Variants in SUGP1 observed in about 807,000 individuals in gnomAD.
SUGP1 encodes SURP and G-patch domain-containing protein 1.
SUGP1 carries 34 observed loss-of-function variants against 76.5 expected under a neutral mutation model. That is an observed-to-expected ratio of 0.44 (90% CI 0.34 to 0.59). The LOEUF (loss-of-function observed/expected upper bound fraction) is 0.59, where lower values mean the gene tolerates loss of function less well. SUGP1 is among the 20% of genes least tolerant of loss of function. SUGP1 has a pLI of 0.01. For synonymous variants in SUGP1, 326 were observed against 326.2 expected (o/e 1.00, Z 0.01); for missense variants, 752 against 851.7 (o/e 0.88, Z 1.46).
Position 19,303,735 on chromosome 19 carries a change from G to C in SUGP1, c.651C>G (p.Asn217Lys), listed in dbSNP as rs202057659. The change falls in exon 5 of 14, where the codon AAC (asparagine) becomes AAG (lysine). Residue 217 changes from asparagine (N) to lysine (K), a missense_variant. By Grantham distance (94) the Asn-to-Lys change is moderately conservative. Coordinates refer to ENST00000247001, the MANE Select transcript of SUGP1 (RefSeq NM_172231.4). The part of the protein sequence containing the change: ...EKVAMEDYKD[N>K]PAFAFLHDKN... ...CCGGAGATACTCACGCAAATGCTGG[G>C]TTATCCTTGTAGTCCTCCATAGCTA... 1 of 1,614,208 alleles carries C rather than the reference G, an allele frequency of 6.2e-7. No homozygotes were observed. Among genetic ancestry groups the C allele is most frequent in the Non-Finnish European group, 8.5e-7 (1 of 1,180,046 alleles).
intron 2 of SUGP1, among the ~76,000 whole-genome samples, chr19:19,311,928 T>C (rs948697405): frequency 2.6e-5 from 4 of 151,724 alleles, no homozygotes; most frequent in African/African-American, 9.7e-5. Context: ...CAGTGACATA[T>C]GATCATGCCA....
At chr19:19,278,901 C>T in intron 10 of SUGP1, 105 bp from the exon 11 acceptor site, 2 of 1,247,926 alleles carry the variant, frequency 1.6e-6, no homozygotes, top group Non-Finnish European at 2.3e-6. Context: ...GAGCCTGGGG[C>T]CCCCAGGGAA....
At chr19:19,277,251 C>CGGG (rs3214183) in intron 12 of SUGP1, among the ~76,000 whole-genome samples, 175 bp from the exon 13 acceptor site, 1 of 96,892 alleles carries the variant, frequency 1.0e-5, no homozygotes, top group Non-Finnish European at 2.4e-5. Flanking sequence ...CCGGGGCGGG[C>CGGG]GGGGGGGGGG....
intron 8 of SUGP1, among the ~76,000 whole-genome samples, chr19:19,296,102 AG>A (rs2061223326): frequency 1.3e-5 from 2 of 150,966 alleles, no homozygotes; most frequent in South Asian, 4.2e-4. Context: ...GGATCACTTG[AG>A]GACAGAAGTT....
At chr19:19,303,228 G>T in intron 6 of SUGP1, 120 bp downstream of exon 6, 1 of 790,464 alleles carries the variant, frequency 1.3e-6, no homozygotes, top group East Asian at 2.5e-5. Context: ...GGAGAATACA[G>T]GCCTCAACCA....
At chr19:19,303,618 C>T in intron 5 of SUGP1, 106 bp downstream of exon 5, 1 of 1,478,202 alleles carries the variant, frequency 6.8e-7, no homozygotes, top group Non-Finnish European at 9.4e-7. Flanking sequence ...TCAGAAAACG[C>T]TTGGAACAGC....
chr19:19,314,864 G>T (rs182459318), intron 2 of SUGP1, among the ~76,000 whole-genome samples: 5 of 152,078 alleles, frequency 3.3e-5, no homozygotes, highest in Non-Finnish European at 7.4e-5. Context: ...GAGAAACCCC[G>T]CCTCTACTAA....
intron 4 of SUGP1, 164 bp from the exon 5 acceptor site, chr19:19,304,011 G>A (rs769468021): frequency 1.9e-6 from 3 of 1,590,296 alleles, no homozygotes; most frequent in Non-Finnish European, 2.6e-6. Flanking sequence ...CATGACGAGG[G>A]GGGAGTCGGT....
rs140469005 is a variant in SUGP1, at chr19:19,305,128, C to T, written c.538+721G>A. On this transcript the variant is annotated intron_variant, in intron 4 of 13. Transcript: ENST00000247001. Reference sequence around the variant, plus strand: ...CCGGGGGCCAAGCTGGCCTCTGATCCGCTCGGACACACAGCCAGAAGCAAG... The same window carrying T: ...CCGGGGGCCAAGCTGGCCTCTGATCTGCTCGGACACACAGCCAGAAGCAAG... 2.7e-3 allele frequency among the ~76,000 whole-genome samples: 414 copies of T among 152,294 alleles called. 3 individuals are homozygous for T. The highest frequency in any genetic ancestry group is 9.3e-3 in the African/African-American group (388 of 41,560).
chr19:19,297,922 C>G (rs1568627386), intron 7 of SUGP1, among the ~76,000 whole-genome samples: 1 of 152,224 alleles, frequency 6.6e-6, no homozygotes, highest in African/African-American at 2.4e-5. Context: ...GCAGGTGGCG[C>G]TGGGTTCAGA....
intron 12 of SUGP1, among the ~76,000 whole-genome samples, 196 bp from the exon 13 acceptor site, chr19:19,277,272 C>A (rs2061059863): frequency 6.6e-6 from 1 of 151,388 alleles, no homozygotes; most frequent in Non-Finnish European, 1.5e-5. Context: ...GGCCTAGGCC[C>A]CAGGGTCCCA....
chr19:19,282,471 G>T (rs1183635654), intron 8 of SUGP1, among the ~76,000 whole-genome samples: 1 of 149,922 alleles, frequency 6.7e-6, no homozygotes, highest in Non-Finnish European at 1.5e-5. Flanking sequence ...ACTCAATTCA[G>T]ACCCAAAGAC....
At chr19:19,318,636 C>T (rs940730335) in intron 1 of SUGP1, among the ~76,000 whole-genome samples, 3 of 152,008 alleles carry the variant, frequency 2.0e-5, no homozygotes, top group African/African-American at 4.8e-5. Context: ...TGCTATGTTC[C>T]CCAGGCTAAT....
In SUGP1 at chr19:19,297,147, G is replaced by A; in HGVS notation, c.1085C>T (p.Thr362Ile). The change falls in exon 8 of 14, where the codon ACT (threonine) becomes ATT (isoleucine). Residue 362 changes from threonine to isoleucine, a missense_variant. Transcript: ENST00000247001. ...TCPASSTPAP[T>I]IIPAPAAPGK... The stretch of plus-strand genomic sequence containing the variant: ...GGGGGCAGCTGGAGCAGGGATGATA[G>A]TGGGCGCAGGCGTGGACGAGGCGGG... 6.2e-7 allele frequency: 1 copy of A among 1,613,974 alleles called. No homozygotes were observed. Among genetic ancestry groups the A allele is most frequent in the Non-Finnish European group, 8.5e-7 (1 of 1,179,890 alleles).
intron 1 of SUGP1, among the ~76,000 whole-genome samples, chr19:19,318,332 C>A (rs1455358924): frequency 6.6e-6 from 1 of 151,712 alleles, no homozygotes; most frequent in Non-Finnish European, 1.5e-5. Flanking sequence ...GTTGGCCAGG[C>A]TGGTCTCGAA....
chr19:19,280,498 GT>G (rs1447364446), intron 8 of SUGP1: 2 of 567,528 alleles, frequency 3.5e-6, no homozygotes, highest in East Asian at 5.8e-5. Context: ...TTACGTCCTT[GT>G]GACCTCTCCA....
At position 19,320,476 on chromosome 19, in the gene SUGP1, G is replaced by T; in HGVS notation, c.21C>A (p.Asn7Lys). The T allele has an allele frequency of 6.2e-7, 1 of 1,610,156 alleles. No individual in the cohort carries two copies. The highest frequency in any genetic ancestry group is 8.5e-7 in the Non-Finnish European group (1 of 1,178,578). Residue 7 changes from asparagine (N) to lysine (K), a missense_variant, in exon 1 of 14, where the codon AAC becomes AAA. By Grantham distance (94) the Asn-to-Lys change is moderately conservative (BLOSUM62 0). Coordinates refer to ENST00000247001, the MANE Select transcript of SUGP1 (RefSeq NM_172231.4). Reference sequence around the variant, plus strand: ...GGGGGCTGTTACCTGCAACATCCCGGTTGTCCATCTTGAGACTCATCCAAT... The same window carrying T: ...GGGGGCTGTTACCTGCAACATCCCGTTTGTCCATCTTGAGACTCATCCAAT... Reference protein sequence around the residue: MSLKMDNRDVAGKANRW... With the variant: MSLKMDKRDVAGKANRW...
intron 1 of SUGP1, among the ~76,000 whole-genome samples, chr19:19,319,706 CA>C (rs570232030): frequency 0.014 from 976 of 69,292 alleles, 3 homozygotes; most frequent in Middle Eastern, 0.024. Flanking sequence ...GACCCTGTCT[CA>C]AAAAAAAAAA....
Position 19,280,267 on chromosome 19 carries a change from T to C in SUGP1, c.1268A>G (p.Tyr423Cys), listed in dbSNP as rs767760322. 3 of 1,613,942 alleles carry C rather than the reference T, an allele frequency of 1.9e-6. No individual in the cohort carries two copies. The highest frequency in any genetic ancestry group is 2.5e-6 in the Non-Finnish European group (3 of 1,179,974). ...TAGACCCACAGGCTTCCCCTTCTCA[T>C]AGCCGAGCCCCTTGAGGTCCTGAAC... ...LSVQDLKGLG[Y>C]EKGKPVGLVG... is the part of the protein sequence containing the mutation. Residue 423 changes from tyrosine (Y) to cysteine (C), a missense_variant, in exon 9 of 14, where the codon TAT becomes TGT. Tyr to Cys is a radical substitution (Grantham distance 194). Transcript: ENST00000247001.
Sources: allele counts gnomAD v4.1 joint callset (sites outside exome capture counted in the v4.1 genomes callset), GRCh38; gene constraint gnomAD v4.1.1; transcripts MANE v1.5; gene names NCBI Gene and HGNC (gene_info 2026-07-23, HGNC 2026-07-21).